PHF20L1: variants seen among roughly 807,000 people sequenced by gnomAD.
PHF20L1 encodes PHD finger protein 20 like 1, also known as PHD finger protein 20-like protein 1.
PHF20L1 carries 44 observed loss-of-function variants against 125.5 expected under a neutral mutation model. That is an observed-to-expected ratio of 0.35 (90% CI 0.28 to 0.45). The LOEUF is 0.45. PHF20L1 is among the 20% of genes least tolerant of loss of function. PHF20L1 has a pLI of 1.00. For synonymous variants in PHF20L1, 380 were observed against 403.1 expected, an observed-to-expected ratio of 0.94 and a Z score of 0.69; for missense variants, 1,012 against 1,217.2, an observed-to-expected ratio of 0.83 and a Z score of 2.51.
At chr8:132,791,441 C>A (rs113229065) in intron 2 of PHF20L1, among the ~76,000 whole-genome samples, 122 of 151,966 alleles carry the variant, frequency 8.0e-4, no homozygotes, top group African/African-American at 2.8e-3. Context: ...TTACTAGAGA[C>A]CGGGTTTCTC....
At chr8:132,792,226 A>C (rs1484429811) in intron 2 of PHF20L1, among the ~76,000 whole-genome samples, 1 of 152,184 alleles carries the variant, frequency 6.6e-6, no homozygotes, top group Non-Finnish European at 1.5e-5. Context: ...AATTGATAGA[A>C]TATCTTTTTA....
At chr8:132,804,344 C>T (rs538903817) in intron 7 of PHF20L1, among the ~76,000 whole-genome samples, 11 of 151,732 alleles carry the variant, frequency 7.2e-5, no homozygotes, top group African/African-American at 2.7e-4. Context: ...TTTCTTCAAC[C>T]TTTTAAATGC....
chr8:132,788,811 A>G (rs1831349063), intron 2 of PHF20L1: 1 of 152,138 alleles, frequency 6.6e-6, no homozygotes, highest in Admixed American at 6.6e-5. Context: ...TAGGATAATG[A>G]AGCGCTGACA....
At position 132,803,868 on chromosome 8, in the gene PHF20L1, A is replaced by G. The variant is rs764630377; in HGVS notation, c.557A>G (p.Lys186Arg). The change falls in exon 7 of 21, where the codon AAA (lysine) becomes AGA (arginine). Residue 186 changes from lysine to arginine, a missense_variant. Physicochemically the swap from Lys to Arg is conservative, Grantham distance 26. Transcript: ENST00000395386. ...GCTGCTGCAGCTGCAGCCAAGAACAAAACAGGGAGTAAACCTCGAACCAGC... is the reference window on the plus strand; with the variant it reads ...GCTGCTGCAGCTGCAGCCAAGAACAGAACAGGGAGTAAACCTCGAACCAGC... Reference protein sequence around the residue: ...KAAAAAAAKNKTGSKPRTSAN... With the variant: ...KAAAAAAAKNRTGSKPRTSAN... The G allele has an allele frequency of 6.2e-7, 1 of 1,610,424 alleles. No individual in the cohort carries two copies. Among genetic ancestry groups the G allele is most frequent in the Non-Finnish European group, 8.5e-7 (1 of 1,177,824 alleles).
Position 132,828,827 on chromosome 8 carries a change from T to TA in PHF20L1, c.1745-3407dup, listed in dbSNP as rs532859641. 2.6e-4 allele frequency among the ~76,000 whole-genome samples: 39 copies of TA among 152,066 alleles called. No individual in the cohort carries two copies. In the East Asian group the frequency reaches 5.1e-3, roughly 20 times the overall value. On this transcript the variant is annotated intron_variant, in intron 14 of 20. Transcript: ENST00000395386. Reference sequence around the variant, plus strand: ...CAGGCATACAGAGATTAAAAAGAAATAGAGTTAGAAGTGAAAAGAGAATTG... The same window carrying TA: ...CAGGCATACAGAGATTAAAAAGAAATAAGAGTTAGAAGTGAAAAGAGAATTG...
Position 132,824,058 on chromosome 8 carries a change from T to G in PHF20L1, c.1634T>G (p.Phe545Cys). Residue 545 changes from phenylalanine to cysteine, a missense_variant and splice_region_variant, in exon 13 of 21, where the codon TTT (phenylalanine) becomes TGT (cysteine). This residue lies in a region of PHF20L1 where 320 missense variants were observed against 293.8 expected (regional missense o/e 1.09). Coordinates refer to ENST00000395386, the MANE Select transcript of PHF20L1 (RefSeq NM_016018.5). ...TTGGAAGACAAAAGCTCAACAGCAT[T>G]TGGTATGAACAGAAAGTAATCTTTA... ...VKLEDKSSTAFGKRKEKDKER... is the reference protein window; with the variant it reads ...VKLEDKSSTACGKRKEKDKER... 1 of 1,588,154 alleles carries G rather than the reference T, an allele frequency of 6.3e-7. No individual in the cohort carries two copies. Among genetic ancestry groups the G allele is most frequent in the Non-Finnish European group, 8.6e-7 (1 of 1,158,706 alleles).
intron 14 of PHF20L1, among the ~76,000 whole-genome samples, chr8:132,829,256 T>C (rs1316741562): frequency 1.3e-5 from 2 of 152,012 alleles, no homozygotes; most frequent in Non-Finnish European, 2.9e-5. Flanking sequence ...TATAATGGAG[T>C]TGATAAGAAG....
intron 2 of PHF20L1, among the ~76,000 whole-genome samples, chr8:132,791,587 G>A (rs1831713174): frequency 6.6e-6 from 1 of 152,092 alleles, no homozygotes; most frequent in Non-Finnish European, 1.5e-5. Flanking sequence ...TACCAATAGT[G>A]CCTAGCAAGT....
intron 12 of PHF20L1, among the ~76,000 whole-genome samples, chr8:132,820,462 G>C (rs73345684): frequency 6.6e-6 from 1 of 151,832 alleles, no homozygotes; most frequent in Non-Finnish European, 1.5e-5. Context: ...GTCTAGAAGG[G>C]ACACAAAGCT....
intron 14 of PHF20L1, among the ~76,000 whole-genome samples, chr8:132,828,363 C>T (rs1836419807): frequency 6.6e-6 from 1 of 151,982 alleles, no homozygotes; most frequent in African/African-American, 2.4e-5. Flanking sequence ...CTCCAGCTCT[C>T]ATAGCTAGCT....
chr8:132,797,348 G>T (rs1414034895), intron 4 of PHF20L1, among the ~76,000 whole-genome samples: 1 of 152,018 alleles, frequency 6.6e-6, no homozygotes, highest in Non-Finnish European at 1.5e-5. Context: ...GCAAAGAAAA[G>T]GGGCCAGTCA....
intron 19 of PHF20L1, chr8:132,843,124 TAAGTAC>T (rs1838095176): frequency 1.7e-6 from 2 of 1,176,040 alleles, no homozygotes; most frequent in Non-Finnish European, 2.1e-6. Flanking sequence ...TTCAATTGTA[TAAGTAC>T]ATTTCGATGC....
At chr8:132,786,209 T>G (rs1288530768) in intron 2 of PHF20L1, among the ~76,000 whole-genome samples, 1 of 152,130 alleles carries the variant, frequency 6.6e-6, no homozygotes, top group Admixed American at 6.6e-5. Context: ...TTTATGAGTT[T>G]CAAACGTGAT....
At chr8:132,836,304 T>G in intron 15 of PHF20L1, 1 of 308,046 alleles carries the variant, frequency 3.2e-6, no homozygotes, top group Non-Finnish European at 5.9e-6. Flanking sequence ...AAAAGACACT[T>G]TGAGTTACTT....
At chr8:132,797,224 C>T (rs1050554713) in intron 4 of PHF20L1, among the ~76,000 whole-genome samples, 2 of 151,948 alleles carry the variant, frequency 1.3e-5, no homozygotes, top group East Asian at 1.9e-4. Flanking sequence ...TAGGCCTGCC[C>T]GCTCCCCACC....
At chr8:132,835,970 T>G (rs1350913346) in intron 15 of PHF20L1, among the ~76,000 whole-genome samples, 1 of 152,084 alleles carries the variant, frequency 6.6e-6, no homozygotes, top group Admixed American at 6.6e-5. Context: ...GTATGAATAA[T>G]AAAACCCGTC....
At chr8:132,795,423 G>C (rs977779367) in intron 4 of PHF20L1, among the ~76,000 whole-genome samples, 6 of 152,086 alleles carry the variant, frequency 3.9e-5, no homozygotes, top group African/African-American at 1.4e-4. Context: ...AATTAGGCAT[G>C]TTAGTGTTGC....
At chr8:132,830,166 G>C (rs1218082380) in intron 14 of PHF20L1, among the ~76,000 whole-genome samples, 2 of 151,986 alleles carry the variant, frequency 1.3e-5, no homozygotes, top group South Asian at 2.1e-4. Flanking sequence ...GTTTCCAGAG[G>C]CTTCTGCATT....
At chr8:132,786,673 C>T (rs2553593) in intron 2 of PHF20L1, among the ~76,000 whole-genome samples, 40,016 of 151,910 alleles carry the variant, frequency 0.26, 6,412 homozygotes, top group South Asian at 0.45. Flanking sequence ...CATTCATTAC[C>T]TCTTTTAACA....
Sources: gnomAD v4.1 joint callset for allele counts (sites outside exome capture counted in the v4.1 genomes callset) on GRCh38, gnomAD v4.1.1 for gene constraint, gnomAD v4.1.1 regional missense constraint, MANE v1.5 for transcripts, NCBI Gene and HGNC (gene_info 2026-07-23, HGNC 2026-07-21) for gene names.